Variants in OR3A2 observed in about 807,000 individuals in gnomAD.
OR3A2 encodes the protein olfactory receptor family 3 subfamily A member 2, also known as olfactory receptor 3A2.
For synonymous variants in OR3A2, 126 were observed against 159.3 expected (o/e 0.79, Z 1.57); for missense variants, 318 against 392.8 (o/e 0.81, Z 1.61).
chr17:3,279,311 C>T (rs1310025632), intron 1 of OR3A2, among the ~76,000 whole-genome samples, 158 bp from the exon 4 acceptor site: 1 of 152,200 alleles, frequency 6.6e-6, no homozygotes, highest in Non-Finnish European at 1.5e-5. Context: ...TTACTAACTA[C>T]AAGTATCTCA....
intron 2 of OR3A2, among the ~76,000 whole-genome samples, chr17:3,347,929 T>C (rs144699047): frequency 6.6e-5 from 10 of 152,350 alleles, no homozygotes; most frequent in East Asian, 5.8e-4. Context: ...TTTTTAATGA[T>C]TGCCATTCTA....
At chr17:3,321,961 G>T (rs1597338776) in intron 3 of OR3A2, among the ~76,000 whole-genome samples, 1 of 152,106 alleles carries the variant, frequency 6.6e-6, no homozygotes, top group Non-Finnish European at 1.5e-5. Context: ...AATGGTACCA[G>T]CTCCTCCTTG....
At chr17:3,349,425 G>A (rs923225498) in intron 2 of OR3A2, among the ~76,000 whole-genome samples, 1 of 151,336 alleles carries the variant, frequency 6.6e-6, no homozygotes, top group Non-Finnish European at 1.5e-5. Flanking sequence ...AAGATCAAAA[G>A]AGACAAAGAA....
chr17:3,386,169 GC>G lies in OR3A2; in HGVS notation c.-320del, dbSNP rs2049774898. On this transcript the variant is annotated 5_prime_UTR_variant, in exon 1 of 5. The change creates a premature stop within an existing upstream ORF in the 5' untranslated region. Transcript: ENST00000573491. ...GCTTTACCACCGTCACGGTCCCCAG[GC>G]TGCTGGCCGGCCTGCTCCACCCGGG... 7 of 398,722 alleles carry G rather than the reference GC, an allele frequency of 1.8e-5. No individual in the cohort carries two copies. In the South Asian group the frequency reaches 8.9e-4, roughly 51 times the overall value. 24.7% of individuals were successfully genotyped at this position (398,722 alleles called of 1,614,324 possible). A position where few individuals can be genotyped will look rare whatever the true frequency, so the allele number is the denominator to read the frequency against.
chr17:3,371,464 C>T (rs1263651839), intron 2 of OR3A2, among the ~76,000 whole-genome samples: 14 of 142,814 alleles, frequency 9.8e-5, no homozygotes, highest in African/African-American at 1.3e-4. Flanking sequence ...GCTGGCTGGG[C>T]GGGGGGCTGA....
intron 3 of OR3A2, among the ~76,000 whole-genome samples, chr17:3,326,314 G>A (rs2049171495): frequency 6.6e-6 from 1 of 152,000 alleles, no homozygotes; most frequent in African/African-American, 2.4e-5. Flanking sequence ...CCAGTAATGG[G>A]ATTGCTGGGT....
chr17:3,377,123 G>A (rs750469011), intron 2 of OR3A2, among the ~76,000 whole-genome samples: 1 of 152,148 alleles, frequency 6.6e-6, no homozygotes, highest in Non-Finnish European at 1.5e-5. Context: ...CAAAGGGTAT[G>A]TGAATTCTTT....
intron 3 of OR3A2, among the ~76,000 whole-genome samples, chr17:3,330,363 C>T (rs2049220011): frequency 6.7e-6 from 1 of 149,832 alleles, no homozygotes; most frequent in Non-Finnish European, 1.5e-5. Flanking sequence ...CTTTGTAGGT[C>T]ACTCAGGACT....
chr17:3,331,139 C>T (rs921930730), intron 3 of OR3A2, among the ~76,000 whole-genome samples: 2 of 152,138 alleles, frequency 1.3e-5, no homozygotes, highest in Non-Finnish European at 2.9e-5. Flanking sequence ...TCTGGCTGCC[C>T]TTAACATTTT....
intron 3 of OR3A2, among the ~76,000 whole-genome samples, chr17:3,299,724 TAC>T (rs1203413027): frequency 1.3e-5 from 2 of 152,198 alleles, no homozygotes; most frequent in Admixed American, 6.5e-5. Flanking sequence ...TGACGTGGTG[TAC>T]ACTCACACTT....
Position 3,346,998 on chromosome 17 carries a change from A to G in OR3A2, c.-178-10872T>C, listed in dbSNP as rs2049369954. 2.6e-5 allele frequency among the ~76,000 whole-genome samples: 4 copies of G among 152,190 alleles called. No individual in the cohort carries two copies. The South Asian group carries it at 8.3e-4, about 31-fold the overall frequency. On this transcript the variant is annotated intron_variant, in intron 2 of 4. Transcript: ENST00000573491. ...TATTGTGCACAGTGCTGCAACGAAC[A>G]TGGGAGAGCAGATCTCTCTTTGATA...
intron 3 of OR3A2, chr17:3,310,582 A>T (rs746947750): frequency 1.9e-6 from 1 of 537,466 alleles, no homozygotes; most frequent in Non-Finnish European, 3.8e-6. Context: ...TTCATATCCA[A>T]CGACAGAAGC....
At position 3,355,452 on chromosome 17, in the gene OR3A2, CTCTCTCTCTTT is replaced by C. The variant is rs1567565974; in HGVS notation, c.-178-19337_-178-19327del. 6.5e-5 allele frequency among the ~76,000 whole-genome samples: 8 copies of C among 123,026 alleles called. 1 individual carries two copies. The highest frequency in any genetic ancestry group is 2.4e-4 in the African/African-American group (8 of 33,246). 80.7% of individuals were successfully genotyped at this position (123,026 alleles called of 152,430 possible). ...TTTCTCTCTCTCTCTCTCTCTCTCT[CTCTCTCTCTTT>C]AGCTCTAATAATGTTTGCTTTATAT... On this transcript the variant is annotated intron_variant, in intron 2 of 4. Transcript: ENST00000573491.
chr17:3,344,753 A>G (rs1332456460), intron 2 of OR3A2, among the ~76,000 whole-genome samples: 1 of 152,132 alleles, frequency 6.6e-6, no homozygotes, highest in Admixed American at 6.6e-5. Flanking sequence ...AGATCTGGTC[A>G]AGCAGTATAC....
At chr17:3,341,424 G>C (rs991034314) in intron 2 of OR3A2, among the ~76,000 whole-genome samples, 6 of 152,228 alleles carry the variant, frequency 3.9e-5, no homozygotes, top group South Asian at 4.2e-4. Context: ...TCCACGTTTA[G>C]TGTTTCCTTC....
intron 3 of OR3A2, among the ~76,000 whole-genome samples, chr17:3,304,612 A>G (rs2048987745): frequency 6.6e-6 from 1 of 152,180 alleles, no homozygotes; most frequent in Admixed American, 6.5e-5. Flanking sequence ...CTTCATCATC[A>G]TGGCCAGAGT....
At chr17:3,279,627 C>G (rs950462390) in intron 1 of OR3A2, among the ~76,000 whole-genome samples, 1 of 152,136 alleles carries the variant, frequency 6.6e-6, no homozygotes, top group African/African-American at 2.4e-5. Context: ...AACCACATCT[C>G]TACTACAAAA....
At chr17:3,302,714 A>T (rs973961588) in intron 3 of OR3A2, among the ~76,000 whole-genome samples, 1 of 152,220 alleles carries the variant, frequency 6.6e-6, no homozygotes, top group Non-Finnish European at 1.5e-5. Context: ...CACCTGCAGG[A>T]TGTTGACCGA....
At chr17:3,325,061 TA>T (rs1458280810) in intron 3 of OR3A2, among the ~76,000 whole-genome samples, 3 of 152,096 alleles carry the variant, frequency 2.0e-5, no homozygotes, top group African/African-American at 4.8e-5. Context: ...TATTGTCATC[TA>T]TTTTTTTTAC....
Sources: gnomAD v4.1 joint callset for allele counts (sites outside exome capture counted in the v4.1 genomes callset) on GRCh38, gnomAD v4.1.1 for gene constraint, MANE v1.5 for transcripts, NCBI Gene and HGNC (gene_info 2026-07-23, HGNC 2026-07-21) for gene names.